CYP2B6: variants seen among roughly 807,000 people sequenced by gnomAD.
CYP2B6 encodes the protein cytochrome P450 family 2 subfamily B member 6.
In CYP2B6, 35 loss-of-function variants were observed where a neutral mutation model predicts 43.4. The ratio of observed to expected loss-of-function variants is 0.81; its 90% confidence interval spans 0.62 to 1.07. CYP2B6 has a LOEUF of 1.07. CYP2B6 is among the 50% of genes least tolerant of loss of function. CYP2B6 has a pLI of 0.00. For missense variants in CYP2B6, 624 were observed against 632.8 expected, an observed-to-expected ratio of 0.99 and a Z score of 0.15; for synonymous variants, 239 against 239.2, an observed-to-expected ratio of 1.00 and a Z score of 0.01.
rs138257262 is a variant in CYP2B6 at position 41,006,954 on chromosome 19, C to A, written c.534C>A (p.Ile178=). ...TCTTCCAGTCCATTACCGCCAACAT[C>A]ATCTGCTCCATCGTCTTTGGAAAAC... The part of the protein sequence containing the change: ...TFLFQSITAN[I]ICSIVFGKRF... The change falls in exon 4 of 9, where the codon ATC becomes ATA. Residue 178 remains isoleucine (I), a synonymous_variant. Transcript: ENST00000324071. 4.3e-6 allele frequency: 7 copies of A among 1,613,964 alleles called. No individual in the cohort carries two copies. The highest frequency in any genetic ancestry group is 1.7e-5 in the Admixed American group (1 of 59,998).
chr19:41,012,705 C>T lies in CYP2B6; in HGVS notation c.1184C>T (p.Ala395Val), dbSNP rs1460329091. ...GAAGTATTTCTCATCCTGAGCACTG[C>T]TCTCCATGACCCACACTACTTTGAA... ...DTEVFLILST[A>V]LHDPHYFEKP... The change falls in exon 8 of 9, where the codon GCT becomes GTT. Residue 395 changes from alanine (A) to valine (V), a missense_variant. By Grantham distance (64) the Ala-to-Val change is moderately conservative. Coordinates refer to ENST00000324071, the MANE Select transcript of CYP2B6 (RefSeq NM_000767.5). 2.5e-6 allele frequency: 4 copies of T among 1,614,092 alleles called. No individual in the cohort carries two copies. The highest frequency in any genetic ancestry group is 2.2e-5 in the South Asian group (2 of 91,082).
chr19:41,010,548 G>A (rs1969267705), intron 6 of CYP2B6, among the ~76,000 whole-genome samples: 1 of 151,858 alleles, frequency 6.6e-6, no homozygotes, highest in South Asian at 2.1e-4. Flanking sequence ...CGAGTAGCTG[G>A]AACTACAGGC....
chr19:40,994,110 C>G (rs111700983), intron 1 of CYP2B6, among the ~76,000 whole-genome samples: 5 of 152,096 alleles, frequency 3.3e-5, no homozygotes, highest in African/African-American at 4.8e-5. Context: ...CCAACTGGAA[C>G]CTTTTCTGAA....
chr19:41,004,937 C>T (rs1237524472), intron 3 of CYP2B6, among the ~76,000 whole-genome samples: 1 of 151,984 alleles, frequency 6.6e-6, no homozygotes, highest in South Asian at 2.1e-4. Flanking sequence ...GTTGAGGTTG[C>T]AGTGAGCTGT....
chr19:41,010,334 C>T (rs1175990607), intron 6 of CYP2B6, among the ~76,000 whole-genome samples, 199 bp downstream of exon 6: 1 of 152,056 alleles, frequency 6.6e-6, no homozygotes, highest in African/African-American at 2.4e-5. Context: ...CATGCGTTCT[C>T]CCACTGTTTT....
intron 8 of CYP2B6, among the ~76,000 whole-genome samples, chr19:41,016,398 TCAAAAAAAAA>T (rs1969363142): frequency 1.4e-4 from 4 of 28,448 alleles, no homozygotes; most frequent in African/African-American, 5.5e-4. Flanking sequence ...AGACTCCATC[TCAAAAAAAAA>T]AAAAAAAAAA....
intron 1 of CYP2B6, among the ~76,000 whole-genome samples, chr19:40,996,182 A>T (rs1037468685): frequency 6.6e-6 from 1 of 152,070 alleles, no homozygotes; most frequent in African/African-American, 2.4e-5. Context: ...CAGGCTGTTA[A>T]TATTCTCTTT....
intron 8 of CYP2B6, among the ~76,000 whole-genome samples, chr19:41,015,985 C>T (rs1969356372): frequency 7.4e-6 from 1 of 134,260 alleles, no homozygotes; most frequent in Non-Finnish European, 1.6e-5. Context: ...TGCTCACACT[C>T]ACACATGTAC....
At chr19:40,994,891 C>G (rs781429302) in intron 1 of CYP2B6, among the ~76,000 whole-genome samples, 95 of 152,168 alleles carry the variant, frequency 6.2e-4, no homozygotes, top group Non-Finnish European at 1.2e-3. Context: ...GCAATGATGT[C>G]TAGAATATCA....
intron 1 of CYP2B6, among the ~76,000 whole-genome samples, chr19:40,993,640 A>G (rs1968956723): frequency 6.6e-6 from 1 of 152,098 alleles, no homozygotes. Flanking sequence ...TTGGGTGAGG[A>G]CACAGAGCCA....
chr19:41,003,424 C>A (rs1969127183), intron 1 of CYP2B6, among the ~76,000 whole-genome samples: 1 of 152,090 alleles, frequency 6.6e-6, no homozygotes, highest in African/African-American at 2.4e-5. Flanking sequence ...CAGAATGATG[C>A]ACAACTTAAA....
intron 8 of CYP2B6, among the ~76,000 whole-genome samples, chr19:41,016,399 CAAAAAAAAAAAAA>C (rs869180190): frequency 2.3e-4 from 18 of 76,874 alleles, no homozygotes; most frequent in East Asian, 1.6e-3. Context: ...GACTCCATCT[CAAAAAAAAAAAAA>C]AAAAAAAAAA....
intron 1 of CYP2B6, among the ~76,000 whole-genome samples, chr19:40,992,328 G>T (rs1199750651): frequency 1.3e-5 from 2 of 151,802 alleles, no homozygotes; most frequent in African/African-American, 4.8e-5. Context: ...AAAATTTTGA[G>T]ATTGACCAAA....
At position 41,005,583 on chromosome 19, in the gene CYP2B6, C is replaced by G. The variant is rs542870923; in HGVS notation, c.484+1137C>G. On this transcript the variant is annotated intron_variant, in intron 3 of 8. Coordinates refer to ENST00000324071, the MANE Select transcript of CYP2B6 (RefSeq NM_000767.5). ...ATCATTTGAGGCCAGCAGTTCAAAA[C>G]CAGCCTGGCCAACATGGTGAAACCC... is the stretch of plus-strand genomic sequence containing the variant. Among the ~76,000 whole-genome samples, 24 of 152,172 alleles carry G rather than the reference C, an allele frequency of 1.6e-4. No homozygotes were observed. In the South Asian group the frequency reaches 4.8e-3, roughly 30 times the overall value.
At chr19:40,997,103 C>T (rs1253105103) in intron 1 of CYP2B6, among the ~76,000 whole-genome samples, 5 of 151,716 alleles carry the variant, frequency 3.3e-5, no homozygotes, top group Admixed American at 6.6e-5. Flanking sequence ...GGTGGTGGCA[C>T]GAATCAAATA....
intron 3 of CYP2B6, among the ~76,000 whole-genome samples, chr19:41,005,584 C>G (rs1260135330): frequency 1.3e-5 from 2 of 152,066 alleles, no homozygotes; most frequent in Admixed American, 1.3e-4. Context: ...AGTTCAAAAC[C>G]AGCCTGGCCA....
chr19:41,015,695 C>A (rs1379213713), intron 8 of CYP2B6, among the ~76,000 whole-genome samples: 1 of 152,146 alleles, frequency 6.6e-6, no homozygotes, highest in African/African-American at 2.4e-5. Context: ...TACAATTGGG[C>A]TTTTCCCCCC....
intron 3 of CYP2B6, among the ~76,000 whole-genome samples, chr19:41,006,179 G>C (rs1969181057): frequency 6.6e-6 from 1 of 151,906 alleles, no homozygotes; most frequent in Non-Finnish European, 1.5e-5. Flanking sequence ...TTAGAGACGG[G>C]GTCTCACTCT....
In CYP2B6 at chr19:41,016,700, T is replaced by G. The variant is rs757421947; in HGVS notation, c.1349T>G (p.Phe450Cys). 1 of 1,614,190 alleles carries G rather than the reference T, an allele frequency of 6.2e-7. No homozygotes were observed. Among genetic ancestry groups the G allele is most frequent in the Admixed American group, 1.7e-5 (1 of 60,022 alleles). The change falls in exon 9 of 9, where the codon TTC (phenylalanine) becomes TGC (cysteine). Residue 450 changes from phenylalanine to cysteine, a missense_variant. Transcript: ENST00000324071. ...GCCCGTGCGGAATTGTTCCTCTTCT[T>G]CACCACCATCCTCCAGAACTTCTCC... ...GIARAELFLF[F>C]TTILQNFSMA... is the part of the protein sequence containing the mutation.
Sources: gnomAD v4.1 joint callset for allele counts (sites outside exome capture counted in the v4.1 genomes callset) on GRCh38, gnomAD v4.1.1 for gene constraint, MANE v1.5 for transcripts, NCBI Gene and HGNC (gene_info 2026-07-23, HGNC 2026-07-21) for gene names.